The following WNK2 variants were observed in gnomAD, a reference collection of about 807,000 sequenced individuals.
The protein encoded by WNK2 is WNK lysine deficient protein kinase 2, also known as serine/threonine-protein kinase WNK2.
A neutral mutation model predicts 192.1 loss-of-function variants in WNK2; 67 were observed. The observed-to-expected ratio is 0.35, with a 90% CI of 0.29 to 0.43. The LOEUF (loss-of-function observed/expected upper bound fraction) is 0.43, where lower values mean the gene tolerates loss of function less well. WNK2 is among the 20% of genes least tolerant of loss of function. The pLI, the probability that WNK2 is intolerant of heterozygous loss-of-function variation, is 1.00. For missense variants in WNK2, 2,698 were observed against 3,089.7 expected (o/e 0.87, Z 3.01); for synonymous variants, 1,439 against 1,393.9 (o/e 1.03, Z -0.72).
At chr9:93,263,131 C>A in intron 14 of WNK2, 1 of 378,158 alleles carries the variant, frequency 2.6e-6, no homozygotes, top group Non-Finnish European at 4.9e-6. Context: ...GGAAATGAAC[C>A]GTGTCCTTAT....
In WNK2 at chr9:93,297,970, C is replaced by G. The variant is rs56188490; in HGVS notation, c.5826C>G (p.Pro1942=). Residue 1942 remains proline, a synonymous_variant, in exon 24 of 30, where the codon CCC becomes CCG. Transcript: ENST00000427277. ...PNVGFFHTAP[P]TGRRRKTSKS... is the part of the protein sequence containing the mutation. ...TGGGCTTCTTCCACACGGCACCCCC[C>G]ACTGGCCGCCGGAGAAAAACCAGCA... 1.7e-5 allele frequency: 27 copies of G among 1,570,738 alleles called. No homozygotes were observed. Among genetic ancestry groups the G allele is most frequent in the South Asian group, 8.2e-5 (7 of 85,478 alleles).
intron 2 of WNK2, among the ~76,000 whole-genome samples, chr9:93,216,507 G>T (rs1835767353): frequency 6.6e-6 from 1 of 152,042 alleles, no homozygotes; most frequent in Non-Finnish European, 1.5e-5. Flanking sequence ...TTAGCTGGGT[G>T]TGATGCTACT....
rs182872940 is a variant in WNK2 at position 93,204,786 on chromosome 9, C to T, written c.681+19176C>T. Among the ~76,000 whole-genome samples, 152 of 152,170 alleles carry T rather than the reference C, an allele frequency of 1.0e-3. 1 individual carries two copies. In the Middle Eastern group the frequency reaches 0.01, roughly 10 times the overall value. Reference sequence around the variant, plus strand: ...GGAGGCTCAGAAAGTGAGGGATGCCCGAGGACACCAGGGAGGAACATGGGT... The same window carrying T: ...GGAGGCTCAGAAAGTGAGGGATGCCTGAGGACACCAGGGAGGAACATGGGT... On this transcript the variant is annotated intron_variant, in intron 2 of 29. Transcript: ENST00000427277.
At chr9:93,316,104 G>A (rs1854618725) in intron 28 of WNK2, 1 of 152,210 alleles carries the variant, frequency 6.6e-6, no homozygotes, top group African/African-American at 2.4e-5. Context: ...TCGTCTGTGT[G>A]TAGGTCCATT....
chr9:93,235,028 G>C, intron 5 of WNK2, 63 bp downstream of exon 5: 1 of 1,586,938 alleles, frequency 6.3e-7, no homozygotes, highest in African/African-American at 1.3e-5. Flanking sequence ...CGTACCCTGG[G>C]CTGGGCTCCA....
Position 93,299,214 on chromosome 9 carries a change from A to G in WNK2, c.6068A>G (p.Asp2023Gly). 1 of 1,594,132 alleles carries G rather than the reference A, an allele frequency of 6.3e-7. No homozygotes were observed. Among genetic ancestry groups the G allele is most frequent in the Non-Finnish European group, 8.6e-7 (1 of 1,165,984 alleles). The change falls in exon 25 of 30, where the codon GAC (aspartate) becomes GGC (glycine). Residue 2023 changes from aspartate (D) to glycine (G), a missense_variant. Transcript: ENST00000427277. ...TCCGTCCGGGCCTCCCTGTCTTCGG[A>G]CATCTGCTCCGGCTTAGCCAGTGAT... ...PCSVRASLSS[D>G]ICSGLASDGG...
Position 93,268,734 on chromosome 9 carries a change from G to C in WNK2, c.4021G>C (p.Glu1341Gln). The C allele has an allele frequency of 6.2e-7, 1 of 1,612,690 alleles. No homozygotes were observed. The highest frequency in any genetic ancestry group is 2.2e-5 in the East Asian group (1 of 44,802). Residue 1341 changes from glutamate to glutamine, a missense_variant, in exon 19 of 30, where the codon GAA (glutamate) becomes CAA (glutamine). This residue lies in a region of WNK2 where 1,098 missense variants were observed against 1,101.0 expected (regional missense o/e 1.00). Coordinates refer to ENST00000427277, the MANE Select transcript of WNK2 (RefSeq NM_006648.4). ...ACTTCCTCTAAGCTCCCTGCCGCCA[G>C]AAGCCAGCCAAGGTATGAGCAGCAG... ...PPLPLSSLPPEASQDSAPYKD... is the reference protein window; with the variant it reads ...PPLPLSSLPPQASQDSAPYKD...
intron 2 of WNK2, among the ~76,000 whole-genome samples, chr9:93,201,867 C>T (rs1248668193): frequency 6.6e-6 from 1 of 152,228 alleles, no homozygotes; most frequent in African/African-American, 2.4e-5. Flanking sequence ...GCCCTGCCGG[C>T]CGCTTCCTGA....
At chr9:93,218,662 A>T (rs1026771700) in intron 2 of WNK2, among the ~76,000 whole-genome samples, 15 of 152,114 alleles carry the variant, frequency 9.9e-5, no homozygotes, top group African/African-American at 3.6e-4. Flanking sequence ...AGGAAGTAAC[A>T]TCAGTGTTCC....
intron 7 of WNK2, among the ~76,000 whole-genome samples, chr9:93,243,243 C>A (rs1048072885): frequency 9.2e-5 from 14 of 152,166 alleles, no homozygotes; most frequent in African/African-American, 3.1e-4. Flanking sequence ...GTTGGAGGAG[C>A]CTCCCAAGAC....
intron 27 of WNK2, chr9:93,308,067 G>A: frequency 1.7e-6 from 1 of 595,352 alleles, no homozygotes; most frequent in Non-Finnish European, 2.8e-6. Context: ...AGCAGAGGCT[G>A]CCGGCTGCTG....
chr9:93,259,688 A>G lies in WNK2; in HGVS notation c.3066+74A>G, dbSNP rs1843897205. On this transcript the variant is annotated intron_variant, in intron 12 of 29. Transcript: ENST00000427277. This position sits in a 1 kb window ranked among gnomAD's most constrained non-coding sequence, Gnocchi z 4.8. ...TCAGGACCCAGAGATGCAAAGGAGG[A>G]CAGAGGCAGGCAAGGAGGCAGCCCT... 7.3e-7 allele frequency: 1 copy of G among 1,376,508 alleles called. No individual in the cohort carries two copies. The highest frequency in any genetic ancestry group is 1.5e-5 in the South Asian group (1 of 67,420). 85.3% of individuals were successfully genotyped at this position (1,376,508 alleles called of 1,614,324 possible).
intron 23 of WNK2, among the ~76,000 whole-genome samples, chr9:93,297,107 C>A (rs150864401): frequency 1.9e-3 from 273 of 143,772 alleles, no homozygotes; most frequent in African/African-American, 6.3e-3. Flanking sequence ...GGCTTCCTCC[C>A]CTTGGCGTCC....
At chr9:93,297,570 C>T (rs889126265) in intron 23 of WNK2, among the ~76,000 whole-genome samples, 7 of 152,230 alleles carry the variant, frequency 4.6e-5, no homozygotes, top group South Asian at 2.1e-4. Flanking sequence ...GTAAGCATTC[C>T]GAGTCTGGGT....
intron 12 of WNK2, 60 bp from the exon 13 acceptor site, chr9:93,261,754 C>A: frequency 6.5e-7 from 1 of 1,531,740 alleles, no homozygotes; most frequent in East Asian, 2.3e-5. Flanking sequence ...CACCTGGGCA[C>A]GGCCCCCTCA....
At chr9:93,276,803 C>T (rs1227569505) in intron 19 of WNK2, among the ~76,000 whole-genome samples, 3 of 152,060 alleles carry the variant, frequency 2.0e-5, no homozygotes, top group Non-Finnish European at 2.9e-5. Flanking sequence ...TTTGGGAGGC[C>T]AAGGCGGGTG....
Position 93,259,351 on chromosome 9 carries a change from A to T in WNK2, c.2803A>T (p.Met935Leu). Residue 935 changes from methionine to leucine, a missense_variant, in exon 12 of 30, where the codon ATG (methionine) becomes TTG (leucine). Transcript: ENST00000427277. The surrounding 1 kb of genome is among the most constrained non-coding windows in gnomAD (Gnocchi z 4.8). ...PPSPHHTVQN[M>L]RATPPQPALP... ...TTCCCCCCATCACACGGTGCAGAAT[A>T]TGAGGGCCACCCCTCCACAGCCGGC... 1.9e-6 allele frequency: 3 copies of T among 1,610,286 alleles called. No homozygotes were observed. The highest frequency in any genetic ancestry group is 2.5e-6 in the Non-Finnish European group (3 of 1,178,366).
In WNK2 at chr9:93,298,886, G is replaced by A. The variant is rs187078208; in HGVS notation, c.5924-184G>A. On this transcript the variant is annotated intron_variant, in intron 24 of 29. Transcript: ENST00000427277. Reference sequence around the variant, plus strand: ...ACGGCAGTGGGGGCTGGTAGAGACTGGGCACTTTCTTTGCTCTTCCCCATC... The same window carrying A: ...ACGGCAGTGGGGGCTGGTAGAGACTAGGCACTTTCTTTGCTCTTCCCCATC... 1.0e-3 allele frequency among the ~76,000 whole-genome samples: 156 copies of A among 152,310 alleles called. 1 individual carries two copies. Among genetic ancestry groups the A allele is most frequent in the African/African-American group, 3.5e-3 (144 of 41,562 alleles).
At chr9:93,260,240 C>T (rs536974758) in intron 12 of WNK2, among the ~76,000 whole-genome samples, 36 of 151,146 alleles carry the variant, frequency 2.4e-4, no homozygotes, top group Non-Finnish European at 4.1e-4. Context: ...CACAGGGATC[C>T]ACACCCCTAC....
Sources: allele counts gnomAD v4.1 joint callset (sites outside exome capture counted in the v4.1 genomes callset), GRCh38; gene constraint gnomAD v4.1.1; regional missense constraint gnomAD v4.1.1; non-coding constraint Gnocchi (gnomAD v3.1); transcripts MANE v1.5; gene names NCBI Gene and HGNC (gene_info 2026-07-23, HGNC 2026-07-21).